Variants in PACS2 observed in about 807,000 individuals in gnomAD.
PACS2 encodes phosphofurin acidic cluster sorting protein 2, also known as PACS1-like protein.
A neutral mutation model predicts 113.0 loss-of-function variants in PACS2; 36 were observed. That is an observed-to-expected ratio of 0.32 (90% CI 0.24 to 0.42). The LOEUF is 0.42. Among genes scored for constraint, PACS2 ranks in the 10% least tolerant of loss-of-function variants. PACS2 has a pLI of 1.00. For synonymous variants in PACS2, 589 were observed against 536.1 expected, an observed-to-expected ratio of 1.10 and a Z score of -1.36; for missense variants, 1,015 against 1,239.5, an observed-to-expected ratio of 0.82 and a Z score of 2.72.
intron 4 of PACS2, among the ~76,000 whole-genome samples, chr14:105,359,730 T>C (rs1367798225): frequency 4.0e-5 from 6 of 151,578 alleles, no homozygotes; most frequent in Admixed American, 2.0e-4. Flanking sequence ...TAGCTGGGAC[T>C]ACAGGCGCCC....
At chr14:105,345,117 T>C (rs2059872539) in intron 1 of PACS2, among the ~76,000 whole-genome samples, 1 of 128,058 alleles carries the variant, frequency 7.8e-6, no homozygotes, top group African/African-American at 3.1e-5. Flanking sequence ...TCAAAAAAGA[T>C]GGAATCTGGC....
intron 9 of PACS2, among the ~76,000 whole-genome samples, chr14:105,379,394 TCCCC>T (rs761832515): frequency 3.9e-5 from 6 of 152,228 alleles, no homozygotes; most frequent in Non-Finnish European, 7.3e-5. Flanking sequence ...AGTGGAGCTC[TCCCC>T]AGAGCCCCTT....
chr14:105,374,606 C>T (rs1421561262), intron 8 of PACS2: 3 of 152,206 alleles, frequency 2.0e-5, no homozygotes, highest in African/African-American at 4.8e-5. Context: ...ACCAGGAAGC[C>T]GCCTCGTGGC....
Position 105,368,536 on chromosome 14 carries a change from C to A in PACS2, c.738C>A (p.Thr246=), listed in dbSNP as rs782607701. The A allele has an allele frequency of 6.2e-7, 1 of 1,612,800 alleles. No individual in the cohort carries two copies. The highest frequency in any genetic ancestry group is 1.7e-5 in the Admixed American group (1 of 60,022). ...RRSIVRTTSM[T]RQQNFKQKVV... is the part of the protein sequence containing the mutation. ...CGATTGTAAGAACGACGTCCATGAC[C>A]AGGGTTGGTGGAGACTGCTTCTATG... Residue 246 remains threonine, a synonymous_variant, in exon 7 of 25, where the codon ACC becomes ACA. Transcript: ENST00000447393.
At position 105,393,293 on chromosome 14, in the gene PACS2, C is replaced by T; in HGVS notation, c.2554C>T (p.Arg852Trp). ...SKSQCIEGISRLICTARQQQN... is the reference protein window; with the variant it reads ...SKSQCIEGISWLICTARQQQN... Reference sequence around the variant, plus strand: ...GAGCCAGTGCATTGAGGGCATCAGCCGGCTCATCTGCACTGCCAGGCAGCA... The same window carrying T: ...GAGCCAGTGCATTGAGGGCATCAGCTGGCTCATCTGCACTGCCAGGCAGCA... Residue 852 changes from arginine to tryptophan, a missense_variant, in exon 24 of 25, where the codon CGG becomes TGG. Around this residue, in one of 3 missense-constraint regions of PACS2, gnomAD observed 859 missense variants for 1,056.8 expected, o/e 0.81. Transcript: ENST00000447393. 3 of 1,612,494 alleles carry T rather than the reference C, an allele frequency of 1.9e-6. No individual in the cohort carries two copies. Among genetic ancestry groups the T allele is most frequent in the Non-Finnish European group, 2.5e-6 (3 of 1,179,908 alleles).
At chr14:105,392,335 A>C in intron 22 of PACS2, 1 of 479,548 alleles carries the variant, frequency 2.1e-6, no homozygotes. Context: ...GCTGGTTCGC[A>C]CGGGCCCTCA....
chr14:105,312,342 T>C (rs2058370701), upstream of PACS2, among the ~76,000 whole-genome samples: 2 of 152,182 alleles, frequency 1.3e-5, no homozygotes, highest in African/African-American at 4.8e-5. Flanking sequence ...TAAATAATAA[T>C]AACTCCCACA....
chr14:105,382,762 C>T, intron 14 of PACS2, 45 bp from the exon 15 acceptor site: 1 of 1,273,680 alleles, frequency 7.9e-7, no homozygotes. Context: ...CTGGGGGTGG[C>T]CTGGGCGGCT....
chr14:105,381,037 G>A lies in PACS2; in HGVS notation c.1206G>A (p.Thr402=), dbSNP rs781998022. Residue 402 remains threonine (T), a synonymous_variant, in exon 12 of 25, where the codon ACG becomes ACA. Transcript: ENST00000447393. The part of the protein sequence containing the change: ...EAEASTLDVF[T]ERLPPSGRIT... ...AGGCCTCCACCCTGGATGTGTTCACGGAGAGGCTGCCGCCCAGCGGGAGGA... is the reference window on the plus strand; with the variant it reads ...AGGCCTCCACCCTGGATGTGTTCACAGAGAGGCTGCCGCCCAGCGGGAGGA... The A allele has an allele frequency of 7.4e-6, 12 of 1,612,464 alleles. No homozygotes were observed. Among genetic ancestry groups the A allele is most frequent in the African/African-American group, 2.7e-5 (2 of 74,944 alleles).
intron 1 of PACS2, among the ~76,000 whole-genome samples, chr14:105,338,440 T>A (rs2059607602): frequency 6.6e-6 from 1 of 152,150 alleles, no homozygotes; most frequent in Non-Finnish European, 1.5e-5. Context: ...GTGTTTGTCC[T>A]TTGCTGTCTT....
At chr14:105,360,722 A>G (rs1555406283) in intron 4 of PACS2, among the ~76,000 whole-genome samples, 2 of 152,126 alleles carry the variant, frequency 1.3e-5, no homozygotes, top group African/African-American at 4.8e-5. Flanking sequence ...AGTTTCCTGC[A>G]TACTTGACTC....
upstream of PACS2, among the ~76,000 whole-genome samples, chr14:105,313,186 C>A (rs1338475792): frequency 6.6e-6 from 1 of 152,216 alleles, no homozygotes; most frequent in African/African-American, 2.4e-5. Context: ...ATGTGTCAGG[C>A]GGCCCATCCG....
Position 105,317,384 on chromosome 14 carries a change from C to T in PACS2, c.119+2347C>T, listed in dbSNP as rs1373290708. ...CCAGGATTTATGGTGGGGGTGTGCACGCACTCAGCGTTACTGCTGGGCAGT... is the reference window on the plus strand; with the variant it reads ...CCAGGATTTATGGTGGGGGTGTGCATGCACTCAGCGTTACTGCTGGGCAGT... On this transcript the variant is annotated intron_variant, in intron 1 of 24. Transcript: ENST00000447393. The surrounding 1 kb of genome is among the most constrained non-coding windows in gnomAD (Gnocchi z 4.2). Among the ~76,000 whole-genome samples, 2 of 152,132 alleles carry T rather than the reference C, an allele frequency of 1.3e-5. No individual in the cohort carries two copies. Among genetic ancestry groups the T allele is most frequent in the Non-Finnish European group, 2.9e-5 (2 of 68,032 alleles).
rs1421039915 is a variant in PACS2 at position 105,357,188 on chromosome 14, C to T, written c.423+2011C>T. Among the ~76,000 whole-genome samples, 1 of 152,154 alleles carries T rather than the reference C, an allele frequency of 6.6e-6. No individual in the cohort carries two copies. The highest frequency in any genetic ancestry group is 1.5e-5 in the Non-Finnish European group (1 of 68,020). ...TTGCCCTGAATGCTGGCCTCTGCTC[C>T]CAGGCCCCTCCCTCACCTGTCCTCC... On this transcript the variant is annotated intron_variant, in intron 4 of 24. Coordinates refer to ENST00000447393, the MANE Select transcript of PACS2 (RefSeq NM_001100913.3). This position sits in a 1 kb window ranked among gnomAD's most constrained non-coding sequence, Gnocchi z 5.1.
At chr14:105,386,838 G>A (rs2081192541) in intron 19 of PACS2, among the ~76,000 whole-genome samples, 1 of 152,162 alleles carries the variant, frequency 6.6e-6, no homozygotes, top group African/African-American at 2.4e-5. Flanking sequence ...CTTCACAGGT[G>A]AAAGACCAGC....
chr14:105,345,113 A>G (rs587618915), intron 1 of PACS2, among the ~76,000 whole-genome samples: 93 of 150,404 alleles, frequency 6.2e-4, no homozygotes, highest in African/African-American at 2.2e-3. Context: ...CATCTCAAAA[A>G]AGATGGAATC....
intron 24 of PACS2, chr14:105,394,342 G>A: frequency 2.0e-6 from 2 of 985,278 alleles, no homozygotes; most frequent in Non-Finnish European, 2.4e-6. Context: ...GGCTCTGAGT[G>A]TGGAGGGCAG....
At chr14:105,371,779 C>T (rs1555409442) in intron 8 of PACS2, 1 of 152,240 alleles carries the variant, frequency 6.6e-6, no homozygotes, top group Non-Finnish European at 1.5e-5. Context: ...TAACAAAATA[C>T]TTTAGACTGG....
At chr14:105,321,936 C>CT (rs1239390011) in intron 1 of PACS2, among the ~76,000 whole-genome samples, 4 of 149,876 alleles carry the variant, frequency 2.7e-5, no homozygotes, top group Non-Finnish European at 4.4e-5. Context: ...TCACTCTGAC[C>CT]TTTTCTGACT....
Sources: gnomAD v4.1 joint callset for allele counts (sites outside exome capture counted in the v4.1 genomes callset) on GRCh38, gnomAD v4.1.1 for gene constraint, gnomAD v4.1.1 regional missense constraint, Gnocchi (gnomAD v3.1) non-coding constraint, MANE v1.5 for transcripts, NCBI Gene and HGNC (gene_info 2026-07-23, HGNC 2026-07-21) for gene names.